SPEG: variants seen among roughly 807,000 people sequenced by gnomAD.
The protein encoded by SPEG is striated muscle preferentially expressed protein kinase.
Under a neutral mutation model 300.4 loss-of-function variants are expected in SPEG, and 114 were observed. The observed-to-expected ratio is 0.38, with a 90% CI of 0.33 to 0.44. SPEG has a LOEUF of 0.44. Ranked by LOEUF, SPEG falls within the 20% of genes least tolerant of loss-of-function variation. SPEG has a pLI of 1.00. For missense variants in SPEG, 4,201 were observed against 4,586.2 expected (o/e 0.92, Z 2.43); for synonymous variants, 1,964 against 2,018.9 (o/e 0.97, Z 0.73).
chr2:219,443,090 C>G lies in SPEG; in HGVS notation c.389-1563C>G. 2.5e-6 allele frequency: 4 copies of G among 1,611,320 alleles called. No homozygotes were observed. The highest frequency in any genetic ancestry group is 3.4e-6 in the Non-Finnish European group (4 of 1,178,972). On this transcript the variant is annotated intron_variant, in intron 1 of 40. Coordinates refer to ENST00000312358, the MANE Select transcript of SPEG (RefSeq NM_005876.5). This position sits in a 1 kb window ranked among gnomAD's most constrained non-coding sequence, Gnocchi z 4.6. ...CAAGCCTCCCCCTCAACTACTCATTCTGGCTTTTCTCTTTCAGAAAACCGG... is the reference window on the plus strand; with the variant it reads ...CAAGCCTCCCCCTCAACTACTCATTGTGGCTTTTCTCTTTCAGAAAACCGG...
rs369760885 is a variant in SPEG at position 219,477,192 on chromosome 2, C to T, written c.4561-85C>T. 675 of 297,882 alleles carry T rather than the reference C, an allele frequency of 2.3e-3. 6 individuals carry two copies. Among genetic ancestry groups the T allele is most frequent in the Non-Finnish European group, 3.2e-3 (518 of 160,418 alleles). 18.5% of individuals were successfully genotyped at this position (297,882 alleles called of 1,614,324 possible). On this transcript the variant is annotated intron_variant, in intron 19 of 40. Transcript: ENST00000312358. This position sits in a 1 kb window ranked among gnomAD's most constrained non-coding sequence, Gnocchi z 6.4. ...TGACTCTGGGTCCTGGTGAGAGATG[C>T]GCTGCCCAGAGTAGGAGATGAGGCC...
In SPEG at chr2:219,481,285, G is replaced by A. The variant is rs1395539616; in HGVS notation, c.5370-19G>A. The A allele has an allele frequency of 6.2e-7, 1 of 1,612,402 alleles. No homozygotes were observed. Among genetic ancestry groups the A allele is most frequent in the African/African-American group, 1.3e-5 (1 of 74,938 alleles). Reference sequence around the variant, plus strand: ...TTGTCCCCGCCTGCCCCTCATGACAGCCCTCTTCACCCCTGCAGTCTGACA... The same window carrying A: ...TTGTCCCCGCCTGCCCCTCATGACAACCCTCTTCACCCCTGCAGTCTGACA... On this transcript the variant is annotated intron_variant, in intron 26 of 40. Coordinates refer to ENST00000312358, the MANE Select transcript of SPEG (RefSeq NM_005876.5). This position sits in a 1 kb window ranked among gnomAD's most constrained non-coding sequence, Gnocchi z 5.4.
At chr2:219,465,933 G>C in intron 9 of SPEG, 1 of 638,830 alleles carries the variant, frequency 1.6e-6, no homozygotes, top group Non-Finnish European at 2.5e-6. Flanking sequence ...GCGCGCGTGT[G>C]CGTGCACGTG....
intron 9 of SPEG, chr2:219,466,428 C>G (rs758574937): frequency 2.5e-5 from 32 of 1,268,316 alleles, no homozygotes; most frequent in Non-Finnish European, 3.2e-5. Context: ...GTTTGTCTGT[C>G]TGTGTGTCTG....
At chr2:219,472,450 A>C in intron 15 of SPEG, 119 bp downstream of exon 15, 1 of 853,566 alleles carries the variant, frequency 1.2e-6, no homozygotes, top group Non-Finnish European at 1.9e-6. Flanking sequence ...AGCTGATGGA[A>C]TGCTGGTGGG....
chr2:219,476,672 C>T (rs1470223350), intron 18 of SPEG, among the ~76,000 whole-genome samples, 198 bp from the exon 19 acceptor site: 1 of 64,360 alleles, frequency 1.6e-5, no homozygotes, highest in Non-Finnish European at 2.9e-5. Context: ...ATTTACGGGG[C>T]GGGGCGGGGC....
In SPEG at chr2:219,477,228, G is replaced by A; in HGVS notation, c.4561-49G>A. ...GTAGGAGATGAGGCCCTGGCCCCAAGGTAGAGATGAGGCCAGGCCCAGGCT... is the reference window on the plus strand; with the variant it reads ...GTAGGAGATGAGGCCCTGGCCCCAAAGTAGAGATGAGGCCAGGCCCAGGCT... On this transcript the variant is annotated intron_variant, in intron 19 of 40. Coordinates refer to ENST00000312358, the MANE Select transcript of SPEG (RefSeq NM_005876.5). This position sits in a 1 kb window ranked among gnomAD's most constrained non-coding sequence, Gnocchi z 6.4. 1 of 590,576 alleles carries A rather than the reference G, an allele frequency of 1.7e-6. No individual in the cohort carries two copies. The highest frequency in any genetic ancestry group is 2.5e-6 in the Non-Finnish European group (1 of 402,076). 36.6% of individuals were successfully genotyped at this position (590,576 alleles called of 1,614,324 possible).
Position 219,464,917 on chromosome 2 carries a change from A to G in SPEG, c.2881+309A>G. 1 of 343,782 alleles carries G rather than the reference A, an allele frequency of 2.9e-6. No homozygotes were observed. Among genetic ancestry groups the G allele is most frequent in the Non-Finnish European group, 5.4e-6 (1 of 185,788 alleles). 21.3% of individuals were successfully genotyped at this position (343,782 alleles called of 1,614,324 possible). A position where few individuals can be genotyped will look rare whatever the true frequency, so the allele number is the denominator to read the frequency against. ...CTGCCACTGGCCAAGCTCTCTCTAC[A>G]CTCTTCTGAGCCTTTGTCACCCTGC... On this transcript the variant is annotated intron_variant, in intron 9 of 40. Transcript: ENST00000312358. This position sits in a 1 kb window ranked among gnomAD's most constrained non-coding sequence, Gnocchi z 4.5.
rs770328752 is a variant in SPEG, at chr2:219,478,070, C to T, written c.4992C>T (p.Phe1664=). The T allele has an allele frequency of 8.7e-6, 14 of 1,614,162 alleles. No homozygotes were observed. Among genetic ancestry groups the T allele is most frequent in the African/African-American group, 4.0e-5 (3 of 75,058 alleles). ...HDCVLYFHEA[F]ERRRGLVIVT... ...GTGTCCTCTACTTCCATGAGGCCTT[C>T]GAGAGGCGCCGGGGACTGGTCATTG... The change falls in exon 22 of 41, where the codon TTC becomes TTT. Residue 1664 remains phenylalanine (F), a synonymous_variant. Transcript: ENST00000312358.
chr2:219,435,516 G>C, intron 1 of SPEG, 151 bp downstream of exon 1: 1 of 897,256 alleles, frequency 1.1e-6, no homozygotes, highest in Non-Finnish European at 1.6e-6. Context: ...CCCCAGAAGT[G>C]AGACGAAGAG....
rs929288295 is a variant in SPEG, at chr2:219,448,559, C to T, written c.1401C>T (p.Arg467=). 1.4e-6 allele frequency: 2 copies of T among 1,449,852 alleles called. No homozygotes were observed. Among genetic ancestry groups the T allele is most frequent in the African/African-American group, 1.5e-5 (1 of 67,126 alleles). The allele number at this position is 1,449,852 out of a possible 1,614,324, so 89.8% of individuals were successfully genotyped here. Residue 467 remains arginine, a synonymous_variant, in exon 4 of 41, where the codon CGC becomes CGT. Coordinates refer to ENST00000312358, the MANE Select transcript of SPEG (RefSeq NM_005876.5). Reference sequence around the variant, plus strand: ...CGCCAGGCAGCGTGGCCGAGCGGCGCCGCCTGTTCCAGCAGAAAGCGGCCT... The same window carrying T: ...CGCCAGGCAGCGTGGCCGAGCGGCGTCGCCTGTTCCAGCAGAAAGCGGCCT... ...LRAPGSVAER[R]RLFQQKAASL... is the part of the protein sequence containing the mutation.
chr2:219,484,006 C>T lies in SPEG; in HGVS notation c.6543C>T (p.Pro2181=), dbSNP rs770414622. The change falls in exon 30 of 41, where the codon CCC becomes CCT. Residue 2181 remains proline (P), a synonymous_variant. Coordinates refer to ENST00000312358, the MANE Select transcript of SPEG (RefSeq NM_005876.5). The stretch of plus-strand genomic sequence containing the variant: ...CCCAGCCATCCAGCCCTGCACGGCC[C>T]AGCGCCCCCAAACCCAGTACCCCTA... ...SEAQPSSPAR[P]SAPKPSTPKS... is the part of the protein sequence containing the mutation. 1 of 1,612,790 alleles carries T rather than the reference C, an allele frequency of 6.2e-7. No individual in the cohort carries two copies. Among genetic ancestry groups the T allele is most frequent in the African/African-American group, 1.3e-5 (1 of 74,898 alleles).
intron 9 of SPEG, chr2:219,465,162 GC>G (rs761193470): frequency 3.3e-4 from 50 of 153,222 alleles, no homozygotes; most frequent in Non-Finnish European, 6.0e-4. Flanking sequence ...AGAGGCCTGG[GC>G]CCCCAGAGCC....
Position 219,488,851 on chromosome 2 carries a change from G to A in SPEG, c.8100G>A (p.Pro2700=), listed in dbSNP as rs199527401. Residue 2700 remains proline, a synonymous_variant, in exon 34 of 41, where the codon CCG becomes CCA. Coordinates refer to ENST00000312358, the MANE Select transcript of SPEG (RefSeq NM_005876.5). ...YQDTALVLWK[P]GDSRAPCTYT... is the part of the protein sequence containing the mutation. ...ACACGGCGCTGGTGCTGTGGAAGCC[G>A]GGAGACAGCCGGGCACCTTGCACGT... 4.2e-5 allele frequency: 67 copies of A among 1,589,108 alleles called. No individual in the cohort carries two copies. Among genetic ancestry groups the A allele is most frequent in the Middle Eastern group, 1.7e-4 (1 of 6,002 alleles).
In SPEG at chr2:219,484,384, C is replaced by T. The variant is rs562788789; in HGVS notation, c.6921C>T (p.Ala2307=). Residue 2307 remains alanine, a synonymous_variant, in exon 30 of 41, where the codon GCC becomes GCT. Transcript: ENST00000312358. The part of the protein sequence containing the change: ...AGGPPVLAEK[A]RVPTVPPRPG... Reference sequence around the variant, plus strand: ...GTCCCCCGGTGCTAGCCGAGAAAGCCCGAGTTCCCACGGTGCCCCCCAGGC... The same window carrying T: ...GTCCCCCGGTGCTAGCCGAGAAAGCTCGAGTTCCCACGGTGCCCCCCAGGC... 1.2e-6 allele frequency: 2 copies of T among 1,608,790 alleles called. No individual in the cohort carries two copies. The highest frequency in any genetic ancestry group is 1.7e-5 in the Admixed American group (1 of 59,924).
At position 219,443,168 on chromosome 2, in the gene SPEG, G is replaced by A. The variant is rs769599434; in HGVS notation, c.389-1485G>A. 6.7e-5 allele frequency: 108 copies of A among 1,611,986 alleles called. 2 individuals carry two copies. The East Asian group carries it at 1.7e-3, about 25-fold the overall frequency. ...CACCCATGGTGCGTGGACCGTGGGC[G>A]TCCTTGCTCTAGCCCATGCCTACTC... On this transcript the variant is annotated intron_variant, in intron 1 of 40. Transcript: ENST00000312358. This position sits in a 1 kb window ranked among gnomAD's most constrained non-coding sequence, Gnocchi z 4.6.
At position 219,448,909 on chromosome 2, in the gene SPEG, A is replaced by G; in HGVS notation, c.1751A>G (p.Glu584Gly). The G allele has an allele frequency of 6.9e-7, 1 of 1,459,610 alleles. No homozygotes were observed. 90.4% of individuals were successfully genotyped at this position (1,459,610 alleles called of 1,614,324 possible). ...CCGGCGGGCAGGACAGAGCCGGGGG[A>G]AGGCCCGCAGCAGGAGGTTAGGCGT... ...RGPAGRTEPG[E>G]GPQQEVRRRD... Residue 584 changes from glutamate (E) to glycine (G), a missense_variant, in exon 4 of 41, where the codon GAA (glutamate) becomes GGA (glycine). Transcript: ENST00000312358.
Position 219,489,074 on chromosome 2 carries a change from G to A in SPEG, c.8170G>A (p.Val2724Met), listed in dbSNP as rs756339116. The change falls in exon 35 of 41, where the codon GTG (valine) becomes ATG (methionine). Residue 2724 changes from valine to methionine, a missense_variant. This residue lies in a region of SPEG where 1,578 missense variants were observed against 1,506.0 expected (regional missense o/e 1.05). Coordinates refer to ENST00000312358, the MANE Select transcript of SPEG (RefSeq NM_005876.5). ...TATAGGGGAGTCTGTGTGGCACCCT[G>A]TGAGCTCAGGCATCCCCGACTGTTA... is the stretch of plus-strand genomic sequence containing the variant. ...RVDGESVWHPVSSGIPDCYYN... is the reference protein window; with the variant it reads ...RVDGESVWHPMSSGIPDCYYN... The A allele has an allele frequency of 3.7e-6, 6 of 1,613,770 alleles. No individual in the cohort carries two copies. The African/African-American group carries it at 8.0e-5, about 22-fold the overall frequency.
rs1034257079 is a variant in SPEG at position 219,493,192 on chromosome 2, G to A, written c.*406G>A. 2.5e-6 allele frequency: 1 copy of A among 394,738 alleles called. No homozygotes were observed. The highest frequency in any genetic ancestry group is 4.9e-6 in the Non-Finnish European group (1 of 203,532). 24.5% of individuals were successfully genotyped at this position (394,738 alleles called of 1,614,324 possible). A position where few individuals can be genotyped will look rare whatever the true frequency, so the allele number is the denominator to read the frequency against. On this transcript the variant is annotated 3_prime_UTR_variant, in exon 41 of 41. Coordinates refer to ENST00000312358, the MANE Select transcript of SPEG (RefSeq NM_005876.5). ...GGAGGAAAAGGAAGGAGCCCCAGGT[G>A]TCAGGGCAGTAGGCTGGGAGTCAGT...
Sources: gnomAD v4.1 joint callset for allele counts (sites outside exome capture counted in the v4.1 genomes callset) on GRCh38, gnomAD v4.1.1 for gene constraint, gnomAD v4.1.1 regional missense constraint, Gnocchi (gnomAD v3.1) non-coding constraint, MANE v1.5 for transcripts, NCBI Gene and HGNC (gene_info 2026-07-23, HGNC 2026-07-21) for gene names.